The following HIP1 variants were observed in gnomAD, a reference collection of about 807,000 sequenced individuals.
The protein encoded by HIP1 is huntingtin-interacting protein 1.
In HIP1, 65 loss-of-function variants were observed where a neutral mutation model predicts 147.6. The observed-to-expected ratio is 0.44, with a 90% CI of 0.36 to 0.54. HIP1 has a LOEUF of 0.54. Ranked by LOEUF, HIP1 falls within the 20% of genes least tolerant of loss-of-function variation. The pLI, the probability that HIP1 is intolerant of heterozygous loss-of-function variation, is 0.00. For synonymous variants in HIP1, 479 were observed against 504.0 expected (o/e 0.95, Z 0.67); for missense variants, 1,061 against 1,299.6 (o/e 0.82, Z 2.82).
intron 6 of HIP1, 90 bp downstream of exon 6, chr7:75,581,985 C>T: frequency 1.9e-6 from 2 of 1,067,676 alleles, no homozygotes; most frequent in South Asian, 1.4e-5. Context: ...CCACGGCCTC[C>T]CCCCATCAGG....
chr7:75,551,189 AT>A (rs55679922), intron 22 of HIP1, among the ~76,000 whole-genome samples: 56 of 77,412 alleles, frequency 7.2e-4, no homozygotes, highest in Middle Eastern at 0.017. Flanking sequence ...GTAGATGATA[AT>A]TTTTTTTTTT....
chr7:75,565,905 G>T (rs782002697), intron 9 of HIP1, among the ~76,000 whole-genome samples: 9 of 146,246 alleles, frequency 6.2e-5, no homozygotes, highest in Admixed American at 2.7e-4. Context: ...GTAGAGACAG[G>T]GTTTCATCAT....
chr7:75,631,013 G>A (rs1233501828), intron 1 of HIP1, among the ~76,000 whole-genome samples: 5 of 152,152 alleles, frequency 3.3e-5, no homozygotes, highest in Admixed American at 3.3e-4. Flanking sequence ...GAGTGCAGTG[G>A]TGCAATCACA....
chr7:75,569,343 T>G (rs1292813515), intron 8 of HIP1, among the ~76,000 whole-genome samples: 1 of 151,646 alleles, frequency 6.6e-6, no homozygotes, highest in Non-Finnish European at 1.5e-5. Context: ...GTGGCTCCCA[T>G]GTGTAATCCC....
chr7:75,676,908 A>C (rs986869427), intron 1 of HIP1, among the ~76,000 whole-genome samples: 1 of 151,782 alleles, frequency 6.6e-6, no homozygotes, highest in Non-Finnish European at 1.5e-5. Context: ...AATACGCAAC[A>C]AATGGGCCAA....
In HIP1 at chr7:75,534,168, G is replaced by A. The variant is rs879991473; in HGVS notation, c.*4004C>T. ...CAAAGCCAACTAATCTGACCGGAGC[G>A]ACATGTACCTGTGATTCCCGTGTTA... On this transcript the variant is annotated 3_prime_UTR_variant, in exon 31 of 31. Coordinates refer to ENST00000336926, the MANE Select transcript of HIP1 (RefSeq NM_005338.7). 8.7e-6 allele frequency: 2 copies of A among 228,968 alleles called. No individual in the cohort carries two copies. Among genetic ancestry groups the A allele is most frequent in the African/African-American group, 2.2e-5 (1 of 45,112 alleles). The allele number at this position is 228,968 out of a possible 1,614,324, so 14.2% of individuals were successfully genotyped here.
At chr7:75,583,303 G>A (rs774064492) in intron 5 of HIP1, among the ~76,000 whole-genome samples, 25 of 152,036 alleles carry the variant, frequency 1.6e-4, no homozygotes, top group Non-Finnish European at 3.4e-4. Flanking sequence ...CCTTGTCATC[G>A]GCTCTGCACC....
chr7:75,538,058 G>A lies in HIP1; in HGVS notation c.*114C>T. 2 of 823,112 alleles carry A rather than the reference G, an allele frequency of 2.4e-6. No homozygotes were observed. Among genetic ancestry groups the A allele is most frequent in the Non-Finnish European group, 4.3e-6 (2 of 462,210 alleles). The allele number at this position is 823,112 out of a possible 1,614,324, so 51.0% of individuals were successfully genotyped here. On this transcript the variant is annotated 3_prime_UTR_variant, in exon 31 of 31. Transcript: ENST00000336926. The stretch of plus-strand genomic sequence containing the variant: ...ATGCATGTCCTCGGCACTGGGTAAT[G>A]GCAGTGGTGTGGCTGCCCCTGGGAC...
At chr7:75,555,187 C>CG (rs1178357186) in intron 19 of HIP1, among the ~76,000 whole-genome samples, 2 of 7,834 alleles carry the variant, frequency 2.6e-4, no homozygotes, top group Non-Finnish European at 7.6e-4. Flanking sequence ...TCTCAAAAAG[C>CG]GGGGGGGCGG....
chr7:75,676,622 C>G (rs2117258946), intron 1 of HIP1, among the ~76,000 whole-genome samples: 1 of 151,558 alleles, frequency 6.6e-6, no homozygotes, highest in East Asian at 1.9e-4. Flanking sequence ...ACTAAAAACA[C>G]AAAATTAGGT....
chr7:75,679,410 C>A (rs1016642454), intron 1 of HIP1, among the ~76,000 whole-genome samples: 2 of 152,136 alleles, frequency 1.3e-5, no homozygotes, highest in Non-Finnish European at 2.9e-5. Flanking sequence ...CAATATGTTG[C>A]CCAGGTTGGC....
intron 4 of HIP1, among the ~76,000 whole-genome samples, chr7:75,589,984 C>T (rs1315854272): frequency 2.0e-5 from 3 of 152,010 alleles, no homozygotes; most frequent in Non-Finnish European, 2.9e-5. Flanking sequence ...CCGCCCGCCT[C>T]GGCCTCCCAA....
chr7:75,659,635 C>T (rs537770978), intron 1 of HIP1, among the ~76,000 whole-genome samples: 5 of 151,036 alleles, frequency 3.3e-5, no homozygotes, highest in Non-Finnish European at 7.4e-5. Flanking sequence ...GGTGACAGAG[C>T]GAGACTCCAT....
At chr7:75,541,107 TA>T (rs879955219) in intron 29 of HIP1, among the ~76,000 whole-genome samples, 238 of 141,122 alleles carry the variant, frequency 1.7e-3, no homozygotes, top group African/African-American at 2.7e-3. Flanking sequence ...CTATCTTATT[TA>T]AAAAAAAAAA....
intron 1 of HIP1, among the ~76,000 whole-genome samples, chr7:75,622,328 A>T (rs1308828575): frequency 6.6e-6 from 1 of 151,994 alleles, no homozygotes; most frequent in African/African-American, 2.4e-5. Context: ...GACGGAATGT[A>T]AGAGTGGATA....
rs782794159 is a variant in HIP1 at position 75,592,471 on chromosome 7, G to C, written c.228C>G (p.Phe76Leu). 6.2e-7 allele frequency: 1 copy of C among 1,611,454 alleles called. No homozygotes were observed. Among genetic ancestry groups the C allele is most frequent in the Non-Finnish European group, 8.5e-7 (1 of 1,179,300 alleles). Residue 76 changes from phenylalanine to leucine, a missense_variant, in exon 3 of 31, where the codon TTC becomes TTG. This residue lies in a region of HIP1 where 225 missense variants were observed against 292.9 expected (regional missense o/e 0.77). Coordinates refer to ENST00000336926, the MANE Select transcript of HIP1 (RefSeq NM_005338.7). Reference sequence around the variant, plus strand: ...GAGGCAGGCGGTTGACAACAGACCAGAAGGTCTGTGCCCCTTTCTCATGGT... The same window carrying C: ...GAGGCAGGCGGTTGACAACAGACCACAAGGTCTGTGCCCCTTTCTCATGGT... Reference protein sequence around the residue: ...GTHHEKGAQTFWSVVNRLPLS... With the variant: ...GTHHEKGAQTLWSVVNRLPLS...
intron 24 of HIP1, 22 bp downstream of exon 24, chr7:75,547,733 C>T: frequency 6.2e-7 from 1 of 1,604,096 alleles, no homozygotes; most frequent in Non-Finnish European, 8.5e-7. Context: ...CCCCTAGGTC[C>T]CACCATGCCG....
intron 2 of HIP1, 125 bp from the exon 3 acceptor site, chr7:75,592,639 C>A: frequency 1.0e-6 from 1 of 968,620 alleles, no homozygotes. Context: ...GAGGCTGCAC[C>A]CAGCCACTGC....
At chr7:75,690,760 G>C (rs1172509135) in intron 1 of HIP1, among the ~76,000 whole-genome samples, 1 of 152,056 alleles carries the variant, frequency 6.6e-6, no homozygotes, top group Non-Finnish European at 1.5e-5. Flanking sequence ...TACTCGGAAG[G>C]CTGAGGCAGG....
Sources: allele counts gnomAD v4.1 joint callset (sites outside exome capture counted in the v4.1 genomes callset), GRCh38; gene constraint gnomAD v4.1.1; regional missense constraint gnomAD v4.1.1; transcripts MANE v1.5; gene names NCBI Gene and HGNC (gene_info 2026-07-23, HGNC 2026-07-21).